Variants in PRKX observed in about 807,000 individuals in gnomAD.
PRKX encodes the protein cAMP-dependent protein kinase catalytic subunit PRKX.
Under a neutral mutation model 22.0 loss-of-function variants are expected in PRKX, and 12 were observed. The ratio of observed to expected loss-of-function variants is 0.54; its 90% confidence interval spans 0.35 to 0.88. The LOEUF is 0.88. Among genes scored for constraint, PRKX ranks in the 40% least tolerant of loss-of-function variants. The pLI is 0.01. For missense variants in PRKX, 217 were observed against 308.0 expected, an observed-to-expected ratio of 0.70 and a Z score of 2.21; for synonymous variants, 134 against 137.7, an observed-to-expected ratio of 0.97 and a Z score of 0.19.
intron 3 of PRKX, among the ~76,000 whole-genome samples, chrX:3,648,112 T>C (rs1927228188): frequency 1.8e-5 from 2 of 111,988 alleles, no homozygotes; most frequent in South Asian, 7.3e-4. Flanking sequence ...CCTGGCCAAT[T>C]TTAACCAGTT....
At chrX:3,676,941 C>A (rs1166010547) in intron 1 of PRKX, among the ~76,000 whole-genome samples, 1 of 112,245 alleles carries the variant, frequency 8.9e-6, no homozygotes, top group Non-Finnish European at 1.9e-5. Flanking sequence ...TCTGCCATGA[C>A]TGTCGGAACC....
At chrX:3,679,779 C>A (rs1443376978) in intron 1 of PRKX, among the ~76,000 whole-genome samples, 2 of 112,108 alleles carry the variant, frequency 1.8e-5, no homozygotes, top group East Asian at 5.6e-4. Context: ...AGGACCATGG[C>A]AATCTCGGGA....
chrX:3,706,161 A>T (rs1404338998), intron 1 of PRKX, among the ~76,000 whole-genome samples: 1 of 110,588 alleles, frequency 9.0e-6, no homozygotes, highest in African/African-American at 3.3e-5. Flanking sequence ...ACAGTGTGCC[A>T]GGCACTGTGT....
At chrX:3,610,265 G>C (rs2146552833) in intron 8 of PRKX, among the ~76,000 whole-genome samples, 1 of 111,673 alleles carries the variant, frequency 9.0e-6, no homozygotes, top group South Asian at 3.8e-4. Flanking sequence ...CAGATTGCCT[G>C]AGTTCAGGAG....
chrX:3,655,515 T>A, intron 2 of PRKX, 103 bp from the exon 3 acceptor site: 1 of 938,236 alleles, frequency 1.1e-6, no homozygotes, highest in Admixed American at 2.7e-5. Flanking sequence ...TACCAAAATG[T>A]GTGTACAGAC....
At chrX:3,642,002 A>G (rs1485057239) in intron 3 of PRKX, 31 bp from the exon 4 acceptor site, 7 of 656,632 alleles carry the variant, frequency 1.1e-5, no homozygotes. Flanking sequence ...GGCCCCCACA[A>G]CACTCAGTGG....
chrX:3,627,478 T>C (rs1926686607), intron 4 of PRKX, among the ~76,000 whole-genome samples: 1 of 109,527 alleles, frequency 9.1e-6, no homozygotes. Context: ...TTTTTTTTTT[T>C]TGAGACAGGA....
At chrX:3,653,799 A>ATATATATTATATACTGTGATATATATAT (rs1927399605) in intron 3 of PRKX, among the ~76,000 whole-genome samples, 8 of 26,012 alleles carry the variant, frequency 3.1e-4, no homozygotes, top group African/African-American at 1.4e-3. Context: ...GATATATATA[A>ATATATATTATATACTGTGATATATATAT]TATATATTAT....
intron 4 of PRKX, among the ~76,000 whole-genome samples, chrX:3,636,286 G>T (rs1419442885): frequency 2.7e-5 from 3 of 112,574 alleles, no homozygotes; most frequent in Non-Finnish European, 5.6e-5. Flanking sequence ...GGAGCAGGAA[G>T]ACTCTGACTG....
At chrX:3,690,416 T>C (rs2146604702) in intron 1 of PRKX, among the ~76,000 whole-genome samples, 1 of 112,657 alleles carries the variant, frequency 8.9e-6, no homozygotes, top group Non-Finnish European at 1.9e-5. Flanking sequence ...GTACAGTGTA[T>C]TAAATTACAC....
intron 4 of PRKX, among the ~76,000 whole-genome samples, chrX:3,637,068 A>AG (rs1926904767): frequency 1.2e-5 from 1 of 82,601 alleles, no homozygotes; most frequent in Non-Finnish European, 2.6e-5. Context: ...GAGGAAGGAG[A>AG]GAGAGAGAGA....
At position 3,644,400 on chromosome X, in the gene PRKX, C is replaced by CAAAA. The variant is rs752467196; in HGVS notation, c.600-2433_600-2430dup. Among the ~76,000 whole-genome samples, 227 of 37,059 alleles carry CAAAA rather than the reference C, an allele frequency of 6.1e-3. 6 individuals are homozygous for CAAAA. The highest frequency in any genetic ancestry group is 0.026 in the African/African-American group (209 of 7,939). The allele number at this position is 37,059 out of a possible 115,157, so 32.2% of individuals were successfully genotyped here. ...TGAGCAACAGAGCAAGACACTGTCTCAAAAAAAAAAAAAAAAAAAAAAAAT... is the reference window on the plus strand; with the variant it reads ...TGAGCAACAGAGCAAGACACTGTCTCAAAAAAAAAAAAAAAAAAAAAAAAAAAAT... On this transcript the variant is annotated intron_variant, in intron 3 of 8. Coordinates refer to ENST00000262848, the MANE Select transcript of PRKX (RefSeq NM_005044.5).
chrX:3,701,935 T>C (rs1431056632), intron 1 of PRKX, among the ~76,000 whole-genome samples: 1 of 112,069 alleles, frequency 8.9e-6, no homozygotes, highest in East Asian at 2.8e-4. Context: ...TACCATATAA[T>C]CAAGAAATAG....
intron 1 of PRKX, among the ~76,000 whole-genome samples, chrX:3,710,414 C>A (rs188876654): frequency 8.9e-6 from 1 of 112,328 alleles, no homozygotes; most frequent in African/African-American, 3.2e-5. Flanking sequence ...CTCTGTCGCC[C>A]AGGCTGGAGC....
At chrX:3,643,278 C>G (rs1225752325) in intron 3 of PRKX, among the ~76,000 whole-genome samples, 1 of 111,262 alleles carries the variant, frequency 9.0e-6, no homozygotes, top group African/African-American at 3.3e-5. Flanking sequence ...TAAGAAAGCT[C>G]TGGAATAAAA....
At chrX:3,685,839 C>T (rs1172198603) in intron 1 of PRKX, among the ~76,000 whole-genome samples, 1 of 111,606 alleles carries the variant, frequency 9.0e-6, no homozygotes, top group Non-Finnish European at 1.9e-5. Flanking sequence ...GGAGCCCAGG[C>T]GTCCAAGACC....
chrX:3,707,146 G>A (rs779132800), intron 1 of PRKX, among the ~76,000 whole-genome samples: 17 of 111,162 alleles, frequency 1.5e-4, no homozygotes, highest in African/African-American at 5.6e-4. Flanking sequence ...AAAGCAAAAA[G>A]AAAATAACAC....
chrX:3,666,116 T>C (rs1391284784), intron 2 of PRKX, among the ~76,000 whole-genome samples: 1 of 107,191 alleles, frequency 9.3e-6, no homozygotes, highest in Non-Finnish European at 1.9e-5. Context: ...GTTGAAGTGA[T>C]CCTCCTGCCT....
intron 1 of PRKX, among the ~76,000 whole-genome samples, chrX:3,685,726 C>T (rs1928165436): frequency 9.2e-6 from 1 of 108,146 alleles, no homozygotes; most frequent in African/African-American, 3.4e-5. Context: ...CCAAGATAGG[C>T]TAAGAGGAAT....
Sources: allele counts gnomAD v4.1 joint callset (sites outside exome capture counted in the v4.1 genomes callset), GRCh38; gene constraint gnomAD v4.1.1; transcripts MANE v1.5; gene names NCBI Gene and HGNC (gene_info 2026-07-23, HGNC 2026-07-21).